Variants in MIA2 observed in about 807,000 individuals in gnomAD.
MIA2 encodes the protein melanoma inhibitory activity protein 2.
MIA2 carries 127 observed loss-of-function variants against 167.8 expected under a neutral mutation model. That is an observed-to-expected ratio of 0.76 (90% CI 0.66 to 0.88). MIA2 has a LOEUF of 0.88. Among genes scored for constraint, MIA2 ranks in the 40% least tolerant of loss-of-function variants. MIA2 has a pLI of 0.00. For missense variants in MIA2, 1,690 were observed against 1,624.7 expected, an observed-to-expected ratio of 1.04 and a Z score of -0.69; for synonymous variants, 552 against 541.9, an observed-to-expected ratio of 1.02 and a Z score of -0.26.
At chr14:39,295,370 G>C (rs2061283952) in intron 13 of MIA2, among the ~76,000 whole-genome samples, 1 of 152,016 alleles carries the variant, frequency 6.6e-6, no homozygotes, top group African/African-American at 2.4e-5. Context: ...AAACAATTCT[G>C]GTGGCAGATC....
chr14:39,330,389 A>G (rs538385892), intron 25 of MIA2, among the ~76,000 whole-genome samples: 3 of 151,980 alleles, frequency 2.0e-5, no homozygotes, highest in African/African-American at 7.2e-5. Context: ...CTAGTGGTCT[A>G]TTTATTTTGT....
intron 6 of MIA2, among the ~76,000 whole-genome samples, chr14:39,263,585 CTTA>C (rs1246632410): frequency 4.8e-5 from 7 of 145,022 alleles, no homozygotes; most frequent in South Asian, 2.2e-4. Context: ...TTCCTTTCCT[CTTA>C]TTTTCTCTTT....
chr14:39,321,439 G>A (rs1032407568), intron 24 of MIA2, among the ~76,000 whole-genome samples: 2 of 151,536 alleles, frequency 1.3e-5, no homozygotes, highest in African/African-American at 2.4e-5. Flanking sequence ...TCAGCCTCCC[G>A]AGTAGCTGGG....
intron 23 of MIA2, among the ~76,000 whole-genome samples, chr14:39,365,074 GT>G (rs61123873): frequency 6.7e-5 from 10 of 150,118 alleles, no homozygotes; most frequent in African/African-American, 2.0e-4. Context: ...GGGTTTTGTT[GT>G]TTTTTTTTGT....
chr14:39,283,821 T>C (rs1305224261), intron 9 of MIA2, among the ~76,000 whole-genome samples: 1 of 152,256 alleles, frequency 6.6e-6, no homozygotes, highest in Non-Finnish European at 1.5e-5. Context: ...AAATATCTAT[T>C]TAAGTCCTTT....
intron 3 of MIA2, among the ~76,000 whole-genome samples, chr14:39,244,803 G>A (rs1457303475): frequency 6.6e-6 from 1 of 150,862 alleles, no homozygotes; most frequent in African/African-American, 2.4e-5. Flanking sequence ...TTTTTAAACA[G>A]GTCTCACTCT....
chr14:39,253,370 A>G, intron 6 of MIA2, 199 bp downstream of exon 6: 1 of 733,050 alleles, frequency 1.4e-6, no homozygotes, highest in Non-Finnish European at 2.2e-6. Context: ...ACATTTCCCT[A>G]AGTTTTGTTG....
chr14:39,264,192 A>G (rs1019887527), intron 6 of MIA2, among the ~76,000 whole-genome samples: 1 of 152,176 alleles, frequency 6.6e-6, no homozygotes, highest in Non-Finnish European at 1.5e-5. Flanking sequence ...AAGTGAGAAC[A>G]TGTGATATTT....
At chr14:39,273,437 C>G (rs185782378) in intron 6 of MIA2, among the ~76,000 whole-genome samples, 3 of 152,006 alleles carry the variant, frequency 2.0e-5, no homozygotes, top group Non-Finnish European at 4.4e-5. Flanking sequence ...ACTGCCGTCT[C>G]GACTTCCTGG....
chr14:39,369,183 A>G (rs776005944), intron 23 of MIA2, among the ~76,000 whole-genome samples: 9 of 152,164 alleles, frequency 5.9e-5, no homozygotes, highest in South Asian at 4.1e-4. Flanking sequence ...GGGGAGGGGA[A>G]TCTGTGACTG....
At chr14:39,237,495 C>A (rs2053809352) in intron 2 of MIA2, among the ~76,000 whole-genome samples, 1 of 152,030 alleles carries the variant, frequency 6.6e-6, no homozygotes, top group East Asian at 1.9e-4. Context: ...ATATTAAGAA[C>A]CCTTAATGTA....
chr14:39,287,117 AGGCTGGAGTGCAGTGGCAT>A (rs139524753), intron 9 of MIA2, among the ~76,000 whole-genome samples: 1,529 of 151,912 alleles, frequency 0.01, 30 homozygotes, highest in African/African-American at 0.034. Flanking sequence ...TCTGTTGCCC[AGGCTGGAGTGCAGTGGCAT>A]GGTCATGGCT....
intron 10 of MIA2, among the ~76,000 whole-genome samples, chr14:39,291,695 A>T (rs1229352293): frequency 3.9e-5 from 6 of 152,130 alleles, no homozygotes; most frequent in Non-Finnish European, 1.5e-5. Context: ...TACCAACATG[A>T]TGTCACTGAA....
chr14:39,241,385 C>T (rs1200451230), intron 3 of MIA2, among the ~76,000 whole-genome samples: 2 of 152,184 alleles, frequency 1.3e-5, no homozygotes, highest in Non-Finnish European at 2.9e-5. Flanking sequence ...GATTAGCTGT[C>T]TATTTACTGT....
intron 6 of MIA2, chr14:39,265,161 A>ATGAG: frequency 1.0e-5 from 1 of 99,048 alleles, no homozygotes; most frequent in East Asian, 1.8e-4. Context: ...GTGTGTGAGT[A>ATGAG]TATATATATA....
At chr14:39,236,863 A>G in intron 1 of MIA2, 59 bp from the exon 2 acceptor site, 1 of 1,466,394 alleles carries the variant, frequency 6.8e-7, no homozygotes, top group Non-Finnish European at 9.3e-7. Flanking sequence ...GCAAGATGAA[A>G]GGAGGAGAAA....
At position 39,237,922 on chromosome 14, in the gene MIA2, T is replaced by C. The variant is rs2053833291; in HGVS notation, c.249+867T>C. On this transcript the variant is annotated intron_variant, in intron 2 of 28. Transcript: ENST00000640607. ...GCCCGGCTGCTTTTTGTATTTCTAGTAGAGATGGAGTTTCACCATGTTGGT... is the reference window on the plus strand; with the variant it reads ...GCCCGGCTGCTTTTTGTATTTCTAGCAGAGATGGAGTTTCACCATGTTGGT... Among the ~76,000 whole-genome samples the C allele has an allele frequency of 2.0e-5, 3 of 151,842 alleles. No homozygotes were observed. In the South Asian group the frequency reaches 6.2e-4, roughly 32 times the overall value.
intron 13 of MIA2, among the ~76,000 whole-genome samples, 174 bp downstream of exon 13, chr14:39,295,203 G>A (rs2152840008): frequency 6.6e-6 from 1 of 152,254 alleles, no homozygotes; most frequent in South Asian, 2.1e-4. Flanking sequence ...GTATACAAAA[G>A]TGTATACTTT....
At chr14:39,368,495 C>G (rs1056072204) in intron 23 of MIA2, among the ~76,000 whole-genome samples, 1 of 152,104 alleles carries the variant, frequency 6.6e-6, no homozygotes, top group Non-Finnish European at 1.5e-5. Flanking sequence ...GAGCTGTACT[C>G]CTCATAGCAG....
Sources: gnomAD v4.1 joint callset for allele counts (sites outside exome capture counted in the v4.1 genomes callset) on GRCh38, gnomAD v4.1.1 for gene constraint, MANE v1.5 for transcripts, NCBI Gene and HGNC (gene_info 2026-07-23, HGNC 2026-07-21) for gene names.